SMARCA4: variants seen among roughly 807,000 people sequenced by gnomAD.
SMARCA4 encodes SWI/SNF-related matrix-associated actin-dependent regulator of chromatin subfamily A member 4.
Under a neutral mutation model 193.9 loss-of-function variants are expected in SMARCA4, and 31 were observed. The ratio of observed to expected loss-of-function variants is 0.16; its 90% CI spans 0.12 to 0.22. The LOEUF is 0.22. Among genes scored for constraint, SMARCA4 ranks in the 10% least tolerant of loss-of-function variants. The pLI, the probability that SMARCA4 is intolerant of heterozygous loss-of-function variation, is 1.00. For missense variants in SMARCA4, 1,148 were observed against 2,296.0 expected (o/e 0.50, Z 10.22); for synonymous variants, 942 against 933.1 (o/e 1.01, Z -0.17).
At chr19:11,009,117 G>A (rs1260887733) in intron 14 of SMARCA4, among the ~76,000 whole-genome samples, 1 of 130,704 alleles carries the variant, frequency 7.7e-6, no homozygotes, top group Non-Finnish European at 1.6e-5. Flanking sequence ...CACCTCCTGG[G>A]TTCGAGTGAT....
In SMARCA4 at chr19:10,978,775, C is replaced by CA. The variant is rs563702211; in HGVS notation, c.-31-5340dup. 2.8e-3 allele frequency among the ~76,000 whole-genome samples: 419 copies of CA among 149,344 alleles called. 1 individual carries two copies. Among genetic ancestry groups the CA allele is most frequent in the Non-Finnish European group, 4.8e-3 (321 of 67,350 alleles). On this transcript the variant is annotated intron_variant, in intron 1 of 34. Transcript: ENST00000344626. ...CGAAACCCCGTCTCTACTAAAAATA[C>CA]AAAAAATATATATATATATATATTT... is the stretch of plus-strand genomic sequence containing the variant.
chr19:10,991,397 G>A (rs2086551457), intron 8 of SMARCA4, 74 bp downstream of exon 8: 1 of 1,545,812 alleles, frequency 6.5e-7, no homozygotes, highest in East Asian at 2.4e-5. Flanking sequence ...TTGCCACGGG[G>A]CTGTGTTTGC....
intron 7 of SMARCA4, 30 bp from the exon 8 acceptor site, chr19:10,991,120 T>G (rs373075968): frequency 6.2e-7 from 1 of 1,612,216 alleles, no homozygotes; most frequent in South Asian, 1.1e-5. Flanking sequence ...AGCTGTGCAG[T>G]GCGCGGGCTT....
intron 30 of SMARCA4, among the ~76,000 whole-genome samples, chr19:11,055,187 T>C (rs1025931572): frequency 3.3e-5 from 5 of 151,956 alleles, no homozygotes; most frequent in Admixed American, 1.3e-4. Flanking sequence ...TGGTTTTGTG[T>C]TTTGTTTTTG....
chr19:11,037,417 G>A (rs939288758), intron 29 of SMARCA4, among the ~76,000 whole-genome samples: 49 of 152,172 alleles, frequency 3.2e-4, no homozygotes, highest in African/African-American at 1.2e-3. Context: ...TAATGGTGTG[G>A]AGTATCTGTT....
In SMARCA4 at chr19:11,034,994, C is replaced by T. The variant is rs745307333; in HGVS notation, c.4032C>T (p.Pro1344=). The part of the protein sequence containing the change: ...KPRLMEEDEL[P]SWIIKDDAEV... ...GCCTCATGGAGGAGGACGAGCTCCC[C>T]TCGTGGATCATCAAGGACGACGCGG... The change falls in exon 29 of 35, where the codon CCC becomes CCT. Residue 1344 remains proline (P), a synonymous_variant. Coordinates refer to ENST00000344626, the MANE Select transcript of SMARCA4 (RefSeq NM_003072.5). The surrounding 1 kb of genome is among the most constrained non-coding windows in gnomAD (Gnocchi z 7.0). 1 of 1,610,288 alleles carries T rather than the reference C, an allele frequency of 6.2e-7. No individual in the cohort carries two copies. The highest frequency in any genetic ancestry group is 8.5e-7 in the Non-Finnish European group (1 of 1,178,816).
chr19:10,991,309 C>T lies in SMARCA4; in HGVS notation c.1405C>T (p.Arg469Trp), dbSNP rs1060502079. The change falls in exon 8 of 35, where the codon CGG becomes TGG. Residue 469 changes from arginine (R) to tryptophan (W), a missense_variant. Around this residue, in one of 17 missense-constraint regions of SMARCA4, gnomAD observed 69 missense variants for 186.9 expected, o/e 0.37. Coordinates refer to ENST00000344626, the MANE Select transcript of SMARCA4 (RefSeq NM_003072.5). ...GAAGATCGAGCAGGAGCGCAAGCGCCGGCAGAAGCACCAGGTACGCTCCGG... is the reference window on the plus strand; with the variant it reads ...GAAGATCGAGCAGGAGCGCAAGCGCTGGCAGAAGCACCAGGTACGCTCCGG... ...QQKIEQERKR[R>W]QKHQEYLNSI... The T allele has an allele frequency of 6.2e-7, 1 of 1,602,162 alleles. No individual in the cohort carries two copies. The highest frequency in any genetic ancestry group is 8.5e-7 in the Non-Finnish European group (1 of 1,174,970).
rs878854245 is a variant in SMARCA4 at position 10,987,753 on chromosome 19, C to T, written c.947C>T (p.Pro316Leu). The T allele has an allele frequency of 2.5e-6, 4 of 1,601,494 alleles. No individual in the cohort carries two copies. Among genetic ancestry groups the T allele is most frequent in the African/African-American group, 1.3e-5 (1 of 74,606 alleles). ...ACGGGCCGCCCTTCCCCCGCGCCCC[C>T]TGCCGTCCCACCCGCCGCCTCGCCC... ...QPTGRPSPAPPAVPPAASPVM... is the reference protein window; with the variant it reads ...QPTGRPSPAPLAVPPAASPVM... Residue 316 changes from proline to leucine, a missense_variant, in exon 6 of 35, where the codon CCT (proline) becomes CTT (leucine). Pro to Leu is a moderately conservative substitution (Grantham distance 98). Transcript: ENST00000344626. The surrounding 1 kb of genome is among the most constrained non-coding windows in gnomAD (Gnocchi z 5.3).
intron 1 of SMARCA4, among the ~76,000 whole-genome samples, chr19:10,972,881 T>G (rs962049358): frequency 1.3e-5 from 2 of 152,134 alleles, no homozygotes; most frequent in African/African-American, 4.8e-5. Flanking sequence ...GAGGCCAAAG[T>G]GGACGGATCA....
intron 29 of SMARCA4, 144 bp downstream of exon 29, chr19:11,035,276 A>G: frequency 1.2e-6 from 1 of 807,424 alleles, no homozygotes; most frequent in Non-Finnish European, 2.1e-6. Context: ...GGCAGCCGAG[A>G]GCCTTCCGAT....
intron 19 of SMARCA4, among the ~76,000 whole-genome samples, chr19:11,022,198 C>T (rs1161367991): frequency 6.6e-6 from 1 of 152,206 alleles, no homozygotes; most frequent in African/African-American, 2.4e-5. Flanking sequence ...CTCGGGGCGT[C>T]TCTGACCCTA....
At chr19:10,980,542 G>A (rs1326219012) in intron 1 of SMARCA4, among the ~76,000 whole-genome samples, 1 of 151,990 alleles carries the variant, frequency 6.6e-6, no homozygotes, top group African/African-American at 2.4e-5. Context: ...GCTGAGGCAT[G>A]AGAATCGCTT....
chr19:11,020,773 G>A (rs2089794394), intron 18 of SMARCA4: 2 of 152,292 alleles, frequency 1.3e-5, no homozygotes, highest in Middle Eastern at 3.4e-3. Context: ...GCCTCTCAGT[G>A]CATGGCTGGA....
chr19:11,059,851 G>A lies in SMARCA4; in HGVS notation c.4734G>A (p.Glu1578=), dbSNP rs878854230. The part of the protein sequence containing the change: ...DDSEGEESEE[E]EEGEEEGSES... ...GTGAAGGCGAGGAGAGTGAGGAGGA[G>A]GAAGAGGGCGAGGAGGAAGGCTCCG... is the stretch of plus-strand genomic sequence containing the variant. Residue 1578 remains glutamate (E), a synonymous_variant, in exon 33 of 35, where the codon GAG becomes GAA. Coordinates refer to ENST00000344626, the MANE Select transcript of SMARCA4 (RefSeq NM_003072.5). 3 of 1,613,972 alleles carry A rather than the reference G, an allele frequency of 1.9e-6. No homozygotes were observed. Among genetic ancestry groups the A allele is most frequent in the Non-Finnish European group, 2.5e-6 (3 of 1,179,946 alleles).
At chr19:10,976,939 C>A (rs1236188888) in intron 1 of SMARCA4, among the ~76,000 whole-genome samples, 1 of 152,022 alleles carries the variant, frequency 6.6e-6, no homozygotes, top group Non-Finnish European at 1.5e-5. Flanking sequence ...CGCCTGTAGT[C>A]CCAGCTACTC....
At chr19:10,967,330 AG>A (rs1340759480) in intron 1 of SMARCA4, among the ~76,000 whole-genome samples, 1 of 151,698 alleles carries the variant, frequency 6.6e-6, no homozygotes, top group East Asian at 1.9e-4. Flanking sequence ...TTTGAAATGG[AG>A]TCTTGCTCTC....
chr19:11,053,490 G>T (rs2076378657), intron 30 of SMARCA4, among the ~76,000 whole-genome samples: 1 of 151,462 alleles, frequency 6.6e-6, no homozygotes, highest in Non-Finnish European at 1.5e-5. Context: ...AAATCTCAGT[G>T]TCGATAAATG....
At position 11,003,125 on chromosome 19, in the gene SMARCA4, G is replaced by A. The variant is rs917552239; in HGVS notation, c.1909G>A (p.Gly637Arg). 2.5e-6 allele frequency: 4 copies of A among 1,614,008 alleles called. No homozygotes were observed. Among genetic ancestry groups the A allele is most frequent in the African/African-American group, 1.3e-5 (1 of 74,914 alleles). The change falls in exon 12 of 35, where the codon GGG (glycine) becomes AGG (arginine). Residue 637 changes from glycine to arginine, a missense_variant. This residue lies in a region of SMARCA4 where 115 missense variants were observed against 175.1 expected (regional missense o/e 0.66). Coordinates refer to ENST00000344626, the MANE Select transcript of SMARCA4 (RefSeq NM_003072.5). The part of the protein sequence containing the change: ...ILTGTDAPKA[G>R]QLEAWLEMNP... ...CACAGGCACAGATGCCCCCAAAGCCGGGCAGCTGGAGGCCTGGCTCGAGAT... is the reference window on the plus strand; with the variant it reads ...CACAGGCACAGATGCCCCCAAAGCCAGGCAGCTGGAGGCCTGGCTCGAGAT...
chr19:11,061,553 T>G (rs2076898339), intron 34 of SMARCA4, among the ~76,000 whole-genome samples: 1 of 151,996 alleles, frequency 6.6e-6, no homozygotes, highest in South Asian at 2.1e-4. Context: ...TTTTTTGTAT[T>G]TTTTAGTAGA....
Sources: allele counts gnomAD v4.1 joint callset (sites outside exome capture counted in the v4.1 genomes callset), GRCh38; gene constraint gnomAD v4.1.1; regional missense constraint gnomAD v4.1.1; non-coding constraint Gnocchi (gnomAD v3.1); transcripts MANE v1.5; gene names NCBI Gene and HGNC (gene_info 2026-07-23, HGNC 2026-07-21).